The following DYSF variants were observed in gnomAD, a reference collection of about 807,000 sequenced individuals.
DYSF encodes the protein dystrophy-associated fer-1-like 1.
In DYSF, 212 loss-of-function variants were observed where a neutral mutation model predicts 274.9. The ratio of observed to expected loss-of-function variants is 0.77; its 90% CI spans 0.69 to 0.86. The LOEUF (loss-of-function observed/expected upper bound fraction) is 0.86. Ranked by LOEUF, DYSF falls within the 40% of genes least tolerant of loss-of-function variation. The pLI, the probability that DYSF is intolerant of heterozygous loss-of-function variation, is 0.00. For synonymous variants in DYSF, 1,091 were observed against 1,078.7 expected (o/e 1.01, Z -0.22); for missense variants, 2,666 against 2,783.2 (o/e 0.96, Z 0.95).
chr2:71,544,749 A>G (rs2090330044), intron 17 of DYSF, among the ~76,000 whole-genome samples: 2 of 152,180 alleles, frequency 1.3e-5, no homozygotes, highest in South Asian at 2.1e-4. Flanking sequence ...TAAGCAAGAC[A>G]TTGTTAACTT....
chr2:71,650,626 C>A (rs1008110194), intron 42 of DYSF, among the ~76,000 whole-genome samples: 3 of 152,108 alleles, frequency 2.0e-5, no homozygotes, highest in African/African-American at 7.2e-5. Flanking sequence ...TGTAACAGGC[C>A]ATGAAGAAAA....
rs2091432331 is a variant in DYSF at position 71,557,642 on chromosome 2, G to C, written c.2216+1571G>C. On this transcript the variant is annotated intron_variant, in intron 22 of 55. Coordinates refer to ENST00000410020, the MANE Select transcript of DYSF (RefSeq NM_001130987.2). ...AAGACAGTGATAGTGGGAGGGGTGG[G>C]GGCTAGGGCAGCATGGACTATTTAG... 2.0e-5 allele frequency among the ~76,000 whole-genome samples: 3 copies of C among 152,114 alleles called. No homozygotes were observed. The South Asian group carries it at 6.2e-4, about 32-fold the overall frequency.
At chr2:71,684,596 G>T (rs2095334110) in intron 55 of DYSF, among the ~76,000 whole-genome samples, 1 of 152,214 alleles carries the variant, frequency 6.6e-6, no homozygotes, top group Admixed American at 6.5e-5. Context: ...CTTTTGGGAG[G>T]CTCAGGCCGT....
intron 42 of DYSF, among the ~76,000 whole-genome samples, chr2:71,653,105 A>G (rs1215660439): frequency 2.6e-5 from 4 of 152,206 alleles, no homozygotes; most frequent in Non-Finnish European, 4.4e-5. Context: ...CAAAATCACA[A>G]TGAGATACCA....
At chr2:71,511,729 C>T in intron 4 of DYSF, 78 bp from the exon 5 acceptor site, 1 of 946,842 alleles carries the variant, frequency 1.1e-6, no homozygotes, top group Non-Finnish European at 1.7e-6. Context: ...GGAGGGATGC[C>T]AGAAACAGGG....
intron 17 of DYSF, 121 bp downstream of exon 17, chr2:71,539,360 GC>G: frequency 2.5e-6 from 2 of 815,650 alleles, no homozygotes; most frequent in Non-Finnish European, 4.2e-6. Context: ...GGCCTCTGTT[GC>G]CCATTTTCCA....
chr2:71,598,516 G>A, intron 32 of DYSF, 48 bp from the exon 33 acceptor site: 1 of 1,609,376 alleles, frequency 6.2e-7, no homozygotes, highest in Non-Finnish European at 8.5e-7. Flanking sequence ...ACATCTCTCA[G>A]GGTCCCTGCT....
At chr2:71,659,277 C>G (rs2094833668) in intron 44 of DYSF, among the ~76,000 whole-genome samples, 1 of 152,138 alleles carries the variant, frequency 6.6e-6, no homozygotes, top group Non-Finnish European at 1.5e-5. Context: ...AGGAATAGGA[C>G]TCTTAGGATA....
chr2:71,610,584 A>G (rs1484614669), intron 36 of DYSF, among the ~76,000 whole-genome samples: 1 of 152,012 alleles, frequency 6.6e-6, no homozygotes, highest in African/African-American at 2.4e-5. Context: ...ATTGACACAC[A>G]CTTGCTCGTC....
intron 30 of DYSF, among the ~76,000 whole-genome samples, chr2:71,583,915 A>G (rs1001458318): frequency 1.3e-5 from 2 of 152,132 alleles, no homozygotes; most frequent in African/African-American, 4.8e-5. Flanking sequence ...GGAGGCAGAG[A>G]GTTCCTCATA....
intron 20 of DYSF, among the ~76,000 whole-genome samples, chr2:71,553,565 C>A (rs2091112437): frequency 6.6e-6 from 1 of 152,204 alleles, no homozygotes; most frequent in Non-Finnish European, 1.5e-5. Context: ...CTGCTCAACT[C>A]ACGAAGGGAG....
chr2:71,664,180 C>G, intron 45 of DYSF, 88 bp from the exon 46 acceptor site: 1 of 1,562,440 alleles, frequency 6.4e-7, no homozygotes, highest in East Asian at 2.3e-5. Flanking sequence ...AAGAAGACTC[C>G]CTGGGGTAGT....
At chr2:71,494,565 C>G (rs531460701) in intron 3 of DYSF, among the ~76,000 whole-genome samples, 14 of 152,328 alleles carry the variant, frequency 9.2e-5, no homozygotes, top group African/African-American at 2.4e-4. Flanking sequence ...CTCCAGCACT[C>G]CTTCCACATG....
chr2:71,523,827 G>A (rs1261961494), intron 12 of DYSF, among the ~76,000 whole-genome samples: 1 of 152,136 alleles, frequency 6.6e-6, no homozygotes, highest in Non-Finnish European at 1.5e-5. Flanking sequence ...TTACAGGCGT[G>A]AGCCACTGCG....
intron 30 of DYSF, among the ~76,000 whole-genome samples, chr2:71,581,229 A>T (rs1199675684): frequency 2.0e-5 from 3 of 152,244 alleles, no homozygotes; most frequent in Non-Finnish European, 2.9e-5. Context: ...CGCTCGCGCC[A>T]GCCCACACGT....
intron 41 of DYSF, among the ~76,000 whole-genome samples, chr2:71,624,468 C>A (rs1240603985): frequency 3.9e-5 from 6 of 152,168 alleles, no homozygotes; most frequent in Non-Finnish European, 8.8e-5. Context: ...AAAGGCTTTT[C>A]AGGTGTACTT....
At chr2:71,573,290 A>G (rs904324591) in intron 29 of DYSF, among the ~76,000 whole-genome samples, 1 of 152,214 alleles carries the variant, frequency 6.6e-6, no homozygotes, top group African/African-American at 2.4e-5. Context: ...CACCCAGCAG[A>G]CAGAGGCAAA....
intron 40 of DYSF, among the ~76,000 whole-genome samples, chr2:71,613,728 T>C (rs760016887): frequency 1.3e-4 from 19 of 151,500 alleles, no homozygotes; most frequent in Non-Finnish European, 2.4e-4. Flanking sequence ...GAGGAGCAAA[T>C]GAGAGAAGGA....
Position 71,482,036 on chromosome 2 carries a change from C to A in DYSF, c.239+66C>A, listed in dbSNP as rs112108168. ...CAGGTAGGATTGTGGAGTATACAGA[C>A]TGCAGAATCCCAGGCCCCAGGGAGC... On this transcript the variant is annotated intron_variant, in intron 3 of 55. Transcript: ENST00000410020. The A allele has an allele frequency of 1.6e-5, 22 of 1,342,656 alleles. 1 individual carries two copies. Among genetic ancestry groups the A allele is most frequent in the African/African-American group, 7.2e-5 (5 of 69,722 alleles). 83.2% of individuals were successfully genotyped at this position (1,342,656 alleles called of 1,614,324 possible).
Sources: allele counts gnomAD v4.1 joint callset (sites outside exome capture counted in the v4.1 genomes callset), GRCh38; gene constraint gnomAD v4.1.1; transcripts MANE v1.5; gene names NCBI Gene and HGNC (gene_info 2026-07-23, HGNC 2026-07-21).